The following NAPRT variants were observed in gnomAD, a reference collection of about 807,000 sequenced individuals.
NAPRT encodes nicotinate phosphoribosyltransferase, also known as FHA-HIT-interacting protein.
In NAPRT, 66 loss-of-function variants were observed where a neutral mutation model predicts 60.7. That is an observed-to-expected ratio of 1.09 (90% CI 0.89 to 1.33). NAPRT has a LOEUF of 1.33. NAPRT is among the 40% of genes most tolerant of loss of function. The pLI is 0.00. For synonymous variants in NAPRT, 405 were observed against 335.7 expected (o/e 1.21, Z -2.26); for missense variants, 818 against 731.5 (o/e 1.12, Z -1.36).
rs1015713874 is a variant in NAPRT, at chr8:143,577,291, G to C, written c.546C>G (p.Ala182=). The change falls in exon 4 of 13, where the codon GCC becomes GCG. Residue 182 remains alanine (A), a synonymous_variant. Transcript: ENST00000449291. ...CACCGCCCAGGTAGCTGTAGGTGGAGGCTGTCAGGCCCCCATCGGGGCCCT... is the reference window on the plus strand; with the variant it reads ...CACCGCCCAGGTAGCTGTAGGTGGACGCTGTCAGGCCCCCATCGGGGCCCT... The part of the protein sequence containing the change: ...RAQGPDGGLT[A]STYSYLGGFD... The C allele has an allele frequency of 7.5e-6, 12 of 1,608,800 alleles. No homozygotes were observed. The African/African-American group carries it at 1.5e-4, about 20-fold the overall frequency.
At position 143,578,224 on chromosome 8, in the gene NAPRT, G is replaced by A. The variant is rs1563937153; in HGVS notation, c.95C>T (p.Ala32Val). 1 of 1,503,472 alleles carries A rather than the reference G, an allele frequency of 6.7e-7. No individual in the cohort carries two copies. Among genetic ancestry groups the A allele is most frequent in the Non-Finnish European group, 8.8e-7 (1 of 1,131,204 alleles). 93.1% of individuals were successfully genotyped at this position (1,503,472 alleles called of 1,614,324 possible). ...CTCGGCGGCGTCCCGCGCCCGGCCCGCGCGCCAATAGCCCAACGCCATGGT... is the reference window on the plus strand; with the variant it reads ...CTCGGCGGCGTCCCGCGCCCGGCCCACGCGCCAATAGCCCAACGCCATGGT... The part of the protein sequence containing the change: ...QATMALGYWR[A>V]GRARDAAEFE... The change falls in exon 1 of 13, where the codon GCG (alanine) becomes GTG (valine). Residue 32 changes from alanine to valine, a missense_variant. Transcript: ENST00000449291.
chr8:143,577,576 C>G (rs1203425410), intron 3 of NAPRT, 81 bp downstream of exon 3: 3 of 1,505,310 alleles, frequency 2.0e-6, no homozygotes, highest in East Asian at 4.9e-5. Flanking sequence ...CAGCCAGCCC[C>G]GCCGCCACAG....
chr8:143,576,306 T>A lies in NAPRT; in HGVS notation c.1022+126A>T, dbSNP rs557428265. On this transcript the variant is annotated intron_variant, in intron 7 of 12. Coordinates refer to ENST00000449291, the MANE Select transcript of NAPRT (RefSeq NM_145201.6). ...GGAGCTCCTAGGGAGCCCCACCACT[T>A]ACTTCCCTGCCACGGCCTGCAGTAT... 38 of 1,427,542 alleles carry A rather than the reference T, an allele frequency of 2.7e-5. No homozygotes were observed. In the African/African-American group the frequency reaches 4.0e-4, roughly 15 times the overall value. The allele number at this position is 1,427,542 out of a possible 1,614,324, so 88.4% of individuals were successfully genotyped here. A position where few individuals can be genotyped will look rare whatever the true frequency, so the allele number is the denominator to read the frequency against.
In NAPRT at chr8:143,575,646, C is replaced by G; in HGVS notation, c.1164G>C (p.Gln388His). The change falls in exon 9 of 13, where the codon CAG becomes CAC. Residue 388 changes from glutamine (Q) to histidine (H), a missense_variant. Physicochemically the swap from Gln to His is conservative, Grantham distance 24. Coordinates refer to ENST00000449291, the MANE Select transcript of NAPRT (RefSeq NM_145201.6). ...IGTSVVTCPQQPSLGGVYKLV... is the reference protein window; with the variant it reads ...IGTSVVTCPQHPSLGGVYKLV... Reference sequence around the variant, plus strand: ...CCTTATAGACGCCACCCAGGGAAGGCTGTTGGGGGCAGGTGACCACACTGG... The same window carrying G: ...CCTTATAGACGCCACCCAGGGAAGGGTGTTGGGGGCAGGTGACCACACTGG... The G allele has an allele frequency of 6.3e-7, 1 of 1,595,694 alleles. No homozygotes were observed.
downstream of NAPRT, chr8:143,573,670 T>G (rs1266319383): frequency 6.6e-6 from 1 of 152,474 alleles, no homozygotes; most frequent in South Asian, 2.1e-4. Flanking sequence ...GGTATTTCTT[T>G]ACAGCAGTGC....
chr8:143,573,384 G>GT (rs1563925278), downstream of NAPRT: 1 of 152,322 alleles, frequency 6.6e-6, no homozygotes, highest in Non-Finnish European at 1.5e-5. Flanking sequence ...ATGTTGAAAC[G>GT]TAATCCCCAG....
chr8:143,577,668 GACC>G lies in NAPRT; in HGVS notation c.423_425del (p.Val142del). 6.5e-7 allele frequency: 1 copy of G among 1,539,218 alleles called. No individual in the cohort carries two copies. Among genetic ancestry groups the G allele is most frequent in the African/African-American group, 1.4e-5 (1 of 73,146 alleles). The stretch of plus-strand genomic sequence containing the variant: ...GGCCCGCAGCCCACCTGGCGTAGCT[GACC>G]AGGCAGAGCAGCGGTGTCTCCAGCA... On this transcript the variant is annotated inframe_deletion, in exon 3 of 13. Coordinates refer to ENST00000449291, the MANE Select transcript of NAPRT (RefSeq NM_145201.6).
chr8:143,574,736 G>A (rs1328407666), downstream of NAPRT: 15 of 1,418,024 alleles, frequency 1.1e-5, no homozygotes, highest in Middle Eastern at 1.7e-4. Flanking sequence ...CCCGGGAGGC[G>A]CAGCCCGTGG....
In NAPRT at chr8:143,577,416, G is replaced by A; in HGVS notation, c.438-17C>T. On this transcript the variant is annotated splice_polypyrimidine_tract_variant and intron_variant, in intron 3 of 12. Coordinates refer to ENST00000449291, the MANE Select transcript of NAPRT (RefSeq NM_145201.6). Reference sequence around the variant, plus strand: ...GCCACCAGGCTGTGGGGAGCCAAGAGTCAGGGGGTCCCAGGGTGAGGATCA... The same window carrying A: ...GCCACCAGGCTGTGGGGAGCCAAGAATCAGGGGGTCCCAGGGTGAGGATCA... 3.1e-6 allele frequency: 5 copies of A among 1,600,314 alleles called. No individual in the cohort carries two copies. Among genetic ancestry groups the A allele is most frequent in the Non-Finnish European group, 4.3e-6 (5 of 1,173,784 alleles).
intron 7 of NAPRT, 22 bp from the exon 8 acceptor site, chr8:143,576,184 G>A (rs375079937): frequency 8.9e-6 from 14 of 1,573,704 alleles, no homozygotes; most frequent in African/African-American, 1.4e-5. Flanking sequence ...GTGGAGAAAG[G>A]GTGGGGGCCA....
Position 143,575,088 on chromosome 8 carries a change from A to G in NAPRT, c.1452T>C (p.Cys484=). Reference sequence around the variant, plus strand: ...ACTCTGCCAGGGATGGGAGCGGCTCACACAGCTGCAGGGAGGAGGTAAGGA... The same window carrying G: ...ACTCTGCCAGGGATGGGAGCGGCTCGCACAGCTGCAGGGAGGAGGTAAGGA... ...LRLCLQQGQL[C]EPLPSLAESR... is the part of the protein sequence containing the mutation. The change falls in exon 12 of 13, where the codon TGT becomes TGC. Residue 484 remains cysteine (C), a synonymous_variant. Transcript: ENST00000449291. The G allele has an allele frequency of 1.3e-6, 2 of 1,518,312 alleles. No homozygotes were observed. Among genetic ancestry groups the G allele is most frequent in the South Asian group, 2.5e-5 (2 of 79,602 alleles). The allele number at this position is 1,518,312 out of a possible 1,614,324, so 94.1% of individuals were successfully genotyped here.
In NAPRT at chr8:143,574,967, G is replaced by A. The variant is rs1235739715; in HGVS notation, c.1554+19C>T. On this transcript the variant is annotated intron_variant, in intron 12 of 12. Coordinates refer to ENST00000449291, the MANE Select transcript of NAPRT (RefSeq NM_145201.6). ...CGGGGGCGCACAGGGCAGAATGACAGGGTGGGCCTCCCCCCAACCTGGTAC... is the reference window on the plus strand; with the variant it reads ...CGGGGGCGCACAGGGCAGAATGACAAGGTGGGCCTCCCCCCAACCTGGTAC... 3 of 1,547,020 alleles carry A rather than the reference G, an allele frequency of 1.9e-6. No homozygotes were observed. The highest frequency in any genetic ancestry group is 1.2e-5 in the South Asian group (1 of 83,716).
In NAPRT at chr8:143,575,401, AG is replaced by A. The variant is rs1409993090; in HGVS notation, c.1291+21del. The A allele has an allele frequency of 3.1e-6, 5 of 1,593,768 alleles. No homozygotes were observed. In the Admixed American group the frequency reaches 6.7e-5, roughly 21 times the overall value. On this transcript the variant is annotated intron_variant, in intron 10 of 12. Coordinates refer to ENST00000449291, the MANE Select transcript of NAPRT (RefSeq NM_145201.6). ...CCCTGGTGCTTTGAAGGTGGACAGCAGGGGGGATGGGAGGGCCTCACCGTCA... is the reference window on the plus strand; with the variant it reads ...CCCTGGTGCTTTGAAGGTGGACAGCAGGGGGATGGGAGGGCCTCACCGTCA...
Position 143,577,355 on chromosome 8 carries a change from G to A in NAPRT, c.482C>T (p.Pro161Leu). The A allele has an allele frequency of 6.2e-7, 1 of 1,607,800 alleles. No individual in the cohort carries two copies. Among genetic ancestry groups the A allele is most frequent in the Non-Finnish European group, 8.5e-7 (1 of 1,178,126 alleles). The change falls in exon 4 of 13, where the codon CCA becomes CTA. Residue 161 changes from proline to leucine, a missense_variant. Coordinates refer to ENST00000449291, the MANE Select transcript of NAPRT (RefSeq NM_145201.6). ...NAARLRLIAG[P>L]EKRLLEMGLR... ...GCCCATCTCTAGCAGCCGCTTCTCT[G>A]GCCCTGCGATCAAGCGAAGCCGCGC...
At chr8:143,573,358 T>G (rs1824194208), downstream of NAPRT, 1 of 152,254 alleles carries the variant, frequency 6.6e-6, no homozygotes. Flanking sequence ...GGGTCCTGGG[T>G]CCTTGGCCAA....
chr8:143,578,290 C>CGCGCCTCGG lies in NAPRT; in HGVS notation c.20_28dup (p.Pro7_Ala9dup). 5.0e-6 allele frequency: 7 copies of CGCGCCTCGG among 1,405,410 alleles called. No homozygotes were observed. The highest frequency in any genetic ancestry group is 6.4e-6 in the Non-Finnish European group (7 of 1,087,214). The allele number at this position is 1,405,410 out of a possible 1,614,324, so 87.1% of individuals were successfully genotyped here. ...AGTGAGCAGCGGCCGCGCCGCCGCGCGCGCCTCGGGGTCCTGCTCCGCCGC... is the reference window on the plus strand; with the variant it reads ...AGTGAGCAGCGGCCGCGCCGCCGCGCGCGCCTCGGGCGCCTCGGGGTCCTGCTCCGCCGC... On this transcript the variant is annotated inframe_insertion, in exon 1 of 13. Coordinates refer to ENST00000449291, the MANE Select transcript of NAPRT (RefSeq NM_145201.6).
Position 143,578,284 on chromosome 8 carries a change from G to A in NAPRT, c.35C>T (p.Ala12Val), listed in dbSNP as rs774761219. ...GAGGTCAGTGAGCAGCGGCCGCGCCGCCGCGCGCGCCTCGGGGTCCTGCTC... is the reference window on the plus strand; with the variant it reads ...GAGGTCAGTGAGCAGCGGCCGCGCCACCGCGCGCGCCTCGGGGTCCTGCTC... ...AAEQDPEARAAARPLLTDLYQ... is the reference protein window; with the variant it reads ...AAEQDPEARAVARPLLTDLYQ... Residue 12 changes from alanine to valine, a missense_variant, in exon 1 of 13, where the codon GCG (alanine) becomes GTG (valine). Coordinates refer to ENST00000449291, the MANE Select transcript of NAPRT (RefSeq NM_145201.6). 7.8e-6 allele frequency: 11 copies of A among 1,408,512 alleles called. No individual in the cohort carries two copies. The highest frequency in any genetic ancestry group is 4.6e-5 in the South Asian group (3 of 64,634). The allele number at this position is 1,408,512 out of a possible 1,614,324, so 87.3% of individuals were successfully genotyped here. A position where few individuals can be genotyped will look rare whatever the true frequency, so the allele number is the denominator to read the frequency against.
chr8:143,575,031 T>C lies in NAPRT; in HGVS notation c.1509A>G (p.Arg503=). 6.6e-7 allele frequency: 1 copy of C among 1,510,582 alleles called. No homozygotes were observed. Among genetic ancestry groups the C allele is most frequent in the Non-Finnish European group, 8.9e-7 (1 of 1,124,730 alleles). The allele number at this position is 1,510,582 out of a possible 1,614,324, so 93.6% of individuals were successfully genotyped here. A position where few individuals can be genotyped will look rare whatever the true frequency, so the allele number is the denominator to read the frequency against. Residue 503 remains arginine (R), a synonymous_variant, in exon 12 of 13, where the codon CGA becomes CGG. Transcript: ENST00000449291. ...SRALAQLSLS[R]LSPEHRRLRS... ...GCAGCCGCCTGTGCTCAGGGCTGAG[T>C]CGGCTCAGGGACAGCTGGGCCAAGG...
downstream of NAPRT, chr8:143,573,119 T>A: frequency 5.1e-6 from 1 of 196,862 alleles, no homozygotes; most frequent in Non-Finnish European, 1.0e-5. Context: ...GGCCCCACCC[T>A]GAGTCGAGGC....
Sources: gnomAD v4.1 joint callset for allele counts on GRCh38, gnomAD v4.1.1 for gene constraint, MANE v1.5 for transcripts, NCBI Gene and HGNC (gene_info 2026-07-23, HGNC 2026-07-21) for gene names.